Variants in ADGRE2 observed in about 807,000 individuals in gnomAD.
ADGRE2 encodes CD97 antigen.
A neutral mutation model predicts 100.8 loss-of-function variants in ADGRE2; 83 were observed. The ratio of observed to expected loss-of-function variants is 0.82; its 90% CI spans 0.69 to 0.99. The LOEUF is 0.99. ADGRE2 is among the 50% of genes least tolerant of loss of function. The probability of loss-of-function intolerance (pLI) is 0.00; values close to 1 mark genes in which losing one functional copy is unlikely to be tolerated. For missense variants in ADGRE2, 814 were observed against 1,035.7 expected, an observed-to-expected ratio of 0.79 and a Z score of 2.94; for synonymous variants, 355 against 413.0, an observed-to-expected ratio of 0.86 and a Z score of 1.70.
intron 11 of ADGRE2, among the ~76,000 whole-genome samples, chr19:14,759,897 C>A (rs558235246): frequency 1.1e-3 from 157 of 149,192 alleles, no homozygotes; most frequent in Non-Finnish European, 1.7e-3. Flanking sequence ...TGGCTCACTG[C>A]AAGCTTCGCC....
Position 14,776,103 on chromosome 19 carries a change from G to A in ADGRE2, c.31+623C>T, listed in dbSNP as rs149352000. On this transcript the variant is annotated intron_variant, in intron 2 of 20. Coordinates refer to ENST00000315576, the MANE Select transcript of ADGRE2 (RefSeq NM_013447.4). ...GCACTCAGGAAGTTCCCCTTTCCAA[G>A]GCATGTCCTGGGGGACCCTCCTCAG... 4.6e-5 allele frequency among the ~76,000 whole-genome samples: 7 copies of A among 152,214 alleles called. No homozygotes were observed. In the East Asian group the frequency reaches 1.4e-3, roughly 29 times the overall value.
At chr19:14,775,349 C>T (rs1362236691) in intron 2 of ADGRE2, among the ~76,000 whole-genome samples, 3 of 151,876 alleles carry the variant, frequency 2.0e-5, no homozygotes, top group Non-Finnish European at 4.4e-5. Context: ...GAGACAGAGT[C>T]TTGCTCTGTT....
rs375156999 is a variant in ADGRE2 at position 14,756,238 on chromosome 19, C to G, written c.1192G>C (p.Gly398Arg). Reference sequence around the variant, plus strand: ...ACCACCTCCCCATCTCAGCCATTACCTGGGTCACCAGATTTCTGTGCCTGA... The same window carrying G: ...ACCACCTCCCCATCTCAGCCATTACGTGGGTCACCAGATTTCTGTGCCTGA... The part of the protein sequence containing the change: ...WNQAQKSGDP[G>R]PSVVGLVSIP... The change falls in exon 12 of 21, where the codon GGC (glycine) becomes CGC (arginine). Residue 398 changes from glycine to arginine, a missense_variant and splice_region_variant. This residue lies in a region of ADGRE2 where 569 missense variants were observed against 692.7 expected (regional missense o/e 0.82). Transcript: ENST00000315576. The G allele has an allele frequency of 6.2e-7, 1 of 1,611,290 alleles. No individual in the cohort carries two copies. Among genetic ancestry groups the G allele is most frequent in the African/African-American group, 1.3e-5 (1 of 74,848 alleles).
intron 20 of ADGRE2, 128 bp from the exon 21 acceptor site, chr19:14,736,372 C>G: frequency 1.7e-6 from 1 of 574,398 alleles, no homozygotes; most frequent in Non-Finnish European, 3.1e-6. Flanking sequence ...AGCAATTCTC[C>G]TGTCTCAGCC....
intron 16 of ADGRE2, 107 bp from the exon 17 acceptor site, chr19:14,747,069 C>A: frequency 1.1e-6 from 1 of 944,158 alleles, no homozygotes; most frequent in South Asian, 1.4e-5. Context: ...CTTCCTACGT[C>A]AACAATATTA....
At chr19:14,742,500 G>A (rs780307771) in intron 20 of ADGRE2, among the ~76,000 whole-genome samples, 2 of 152,174 alleles carry the variant, frequency 1.3e-5, no homozygotes, top group African/African-American at 4.8e-5. Flanking sequence ...CTAAAGTGCT[G>A]GGATTACAGG....
At chr19:14,764,069 C>A (rs948060570) in intron 11 of ADGRE2, among the ~76,000 whole-genome samples, 1 of 151,594 alleles carries the variant, frequency 6.6e-6, no homozygotes, top group African/African-American at 2.4e-5. Flanking sequence ...TCCTCTTCGT[C>A]TTCTCTTTTT....
At chr19:14,727,195 T>C in the ADGRE2 span, among the ~76,000 whole-genome samples, 1 of 151,546 alleles carries the variant, frequency 6.6e-6, no homozygotes, top group East Asian at 1.9e-4. Context: ...GCCTGGCTAA[T>C]TTTTTTGTAT....
At chr19:14,760,957 A>G (rs902374824) in intron 11 of ADGRE2, among the ~76,000 whole-genome samples, 23 of 152,152 alleles carry the variant, frequency 1.5e-4, no homozygotes, top group Non-Finnish European at 2.1e-4. Flanking sequence ...AACTCCTTCA[A>G]CCAACTGCCA....
At chr19:14,760,108 G>A (rs769823871) in intron 11 of ADGRE2, among the ~76,000 whole-genome samples, 1 of 152,092 alleles carries the variant, frequency 6.6e-6, no homozygotes, top group East Asian at 1.9e-4. Flanking sequence ...GTGAGCCACC[G>A]TGCCCGGCCC....
intron 16 of ADGRE2, among the ~76,000 whole-genome samples, chr19:14,751,234 C>T (rs1444273778): frequency 6.6e-6 from 1 of 152,120 alleles, no homozygotes; most frequent in African/African-American, 2.4e-5. Flanking sequence ...TTCCGAAAAC[C>T]CTCTTCTACA....
Position 14,755,658 on chromosome 19 carries a change from T to A in ADGRE2, c.1412A>T (p.His471Leu). ...LSSPVTFTFS[H>L]RSVIPRQKVL... Reference sequence around the variant, plus strand: ...ACCAACTCCACCAGCACTCACACGGTGGGAGAAGGTGAAGGTAACTGGGGA... The same window carrying A: ...ACCAACTCCACCAGCACTCACACGGAGGGAGAAGGTGAAGGTAACTGGGGA... Residue 471 changes from histidine (H) to leucine (L), a missense_variant, in exon 13 of 21, where the codon CAC becomes CTC. Transcript: ENST00000315576. 6.2e-7 allele frequency: 1 copy of A among 1,613,738 alleles called. No individual in the cohort carries two copies. The highest frequency in any genetic ancestry group is 8.5e-7 in the Non-Finnish European group (1 of 1,179,714).
At chr19:14,764,410 C>T (rs756839318) in intron 11 of ADGRE2, 23 bp downstream of exon 11, 10 of 1,610,460 alleles carry the variant, frequency 6.2e-6, no homozygotes, top group Middle Eastern at 1.7e-4. Context: ...GAGCTGGAGT[C>T]TGGGGCAGAC....
intron 10 of ADGRE2, 129 bp from the exon 11 acceptor site, chr19:14,764,739 C>T: frequency 4.9e-6 from 5 of 1,020,614 alleles, no homozygotes; most frequent in Non-Finnish European, 7.0e-6. Flanking sequence ...GCATTGGCGG[C>T]TGGGCGCGGT....
At chr19:14,768,964 C>G (rs1350788838) in intron 5 of ADGRE2, 1 of 152,232 alleles carries the variant, frequency 6.6e-6, no homozygotes, top group Non-Finnish European at 1.5e-5. Context: ...TCCAGGTGAG[C>G]AGAGCTGTGT....
chr19:14,747,709 G>A (rs1053158706), intron 16 of ADGRE2, among the ~76,000 whole-genome samples: 1 of 151,978 alleles, frequency 6.6e-6, no homozygotes, highest in Non-Finnish European at 1.5e-5. Context: ...TCGGGAGGCT[G>A]AGGCATGAGA....
chr19:14,759,975 C>A (rs913585634), intron 11 of ADGRE2, among the ~76,000 whole-genome samples: 3 of 151,998 alleles, frequency 2.0e-5, no homozygotes, highest in Non-Finnish European at 2.9e-5. Context: ...CCCGCCACCA[C>A]GCCTGGCTAA....
chr19:14,755,541 G>T (rs2043468155), intron 13 of ADGRE2, 113 bp downstream of exon 13: 1 of 939,782 alleles, frequency 1.1e-6, no homozygotes. Flanking sequence ...TGACTTTCCT[G>T]GGGAGATAAT....
At chr19:14,775,907 A>G (rs2044420511) in intron 2 of ADGRE2, among the ~76,000 whole-genome samples, 3 of 149,068 alleles carry the variant, frequency 2.0e-5, no homozygotes, top group Non-Finnish European at 3.0e-5. Flanking sequence ...AGGCTCTAAG[A>G]TGCCCTGGAA....
Sources: gnomAD v4.1 joint callset for allele counts (sites outside exome capture counted in the v4.1 genomes callset) on GRCh38, gnomAD v4.1.1 for gene constraint, gnomAD v4.1.1 regional missense constraint, MANE v1.5 for transcripts, NCBI Gene and HGNC (gene_info 2026-07-23, HGNC 2026-07-21) for gene names.